JPH3: variants seen among roughly 807,000 people sequenced by gnomAD.
JPH3 encodes junctophilin 3.
In JPH3, 11 loss-of-function variants were observed where a neutral mutation model predicts 59.6. The observed-to-expected ratio is 0.18, with a 90% CI of 0.12 to 0.31. The LOEUF is 0.31. Among genes scored for constraint, JPH3 ranks in the 10% least tolerant of loss-of-function variants. The pLI is 1.00. For missense variants in JPH3, 1,202 were observed against 1,105.7 expected, an observed-to-expected ratio of 1.09 and a Z score of -1.24; for synonymous variants, 673 against 483.6, an observed-to-expected ratio of 1.39 and a Z score of -5.14.
In JPH3 at chr16:87,611,193, C is replaced by T. The variant is rs2030719104; in HGVS notation, c.382+7665C>T. Among the ~76,000 whole-genome samples the T allele has an allele frequency of 1.3e-5, 2 of 152,320 alleles. No individual in the cohort carries two copies. The highest frequency in any genetic ancestry group is 4.8e-5 in the African/African-American group (2 of 41,570). On this transcript the variant is annotated intron_variant, in intron 1 of 4. Transcript: ENST00000284262. This position sits in a 1 kb window ranked among gnomAD's most constrained non-coding sequence, Gnocchi z 4.5. ...TACCAGGAAGAATAAGGAGTCTGAACAGGGATGCAAAACCGAGATATATGG... is the reference window on the plus strand; with the variant it reads ...TACCAGGAAGAATAAGGAGTCTGAATAGGGATGCAAAACCGAGATATATGG...
intron 2 of JPH3, among the ~76,000 whole-genome samples, chr16:87,651,044 C>T (rs1487780085): frequency 1.3e-5 from 2 of 152,192 alleles, no homozygotes; most frequent in African/African-American, 4.8e-5. Flanking sequence ...GGGGCCAGCA[C>T]AGCTGGAAAT....
intron 4 of JPH3, chr16:87,693,728 G>A (rs1421314311): frequency 1.3e-5 from 2 of 152,368 alleles, no homozygotes; most frequent in African/African-American, 4.8e-5. Context: ...AATCCCCAGT[G>A]TGAGGTGAGG....
chr16:87,639,151 C>G (rs1207877139), intron 1 of JPH3, among the ~76,000 whole-genome samples: 1 of 152,178 alleles, frequency 6.6e-6, no homozygotes, highest in African/African-American at 2.4e-5. Flanking sequence ...TACCATCAAT[C>G]GAGCATTAGC....
chr16:87,606,429 C>T (rs371964740), intron 1 of JPH3, among the ~76,000 whole-genome samples: 1 of 152,182 alleles, frequency 6.6e-6, no homozygotes, highest in African/African-American at 2.4e-5. Context: ...TGTGTCCTCC[C>T]CTTAGGGTAC....
At chr16:87,678,660 A>C (rs180922175) in intron 2 of JPH3, among the ~76,000 whole-genome samples, 105 of 152,252 alleles carry the variant, frequency 6.9e-4, no homozygotes, top group African/African-American at 2.3e-3. Context: ...CTCACTTCCA[A>C]CTTCTTGGAA....
At chr16:87,626,953 C>G (rs1483861453) in intron 1 of JPH3, among the ~76,000 whole-genome samples, 1 of 152,154 alleles carries the variant, frequency 6.6e-6, no homozygotes, top group African/African-American at 2.4e-5. Flanking sequence ...CCAGCCTGGA[C>G]AACATAGTGA....
intron 1 of JPH3, among the ~76,000 whole-genome samples, chr16:87,616,190 T>TGTGTGTGTG (rs2030950727): frequency 1.7e-5 from 2 of 116,048 alleles, no homozygotes; most frequent in East Asian, 2.7e-4. Context: ...CAATCTGGTT[T>TGTGTGTGTG]TGTGTGTGTG....
chr16:87,639,862 G>A (rs1171548510), intron 1 of JPH3, among the ~76,000 whole-genome samples: 4 of 152,242 alleles, frequency 2.6e-5, no homozygotes, highest in Admixed American at 2.6e-4. Flanking sequence ...TTAAGGCTGA[G>A]GAATATTCCA....
chr16:87,665,341 G>A (rs1305641066), intron 2 of JPH3, among the ~76,000 whole-genome samples: 1 of 152,028 alleles, frequency 6.6e-6, no homozygotes, highest in Non-Finnish European at 1.5e-5. Flanking sequence ...GCAGGGTCTT[G>A]GGGTAGGGTC....
intron 2 of JPH3, among the ~76,000 whole-genome samples, chr16:87,659,844 A>T (rs1475967607): frequency 6.6e-6 from 1 of 152,162 alleles, no homozygotes; most frequent in Non-Finnish European, 1.5e-5. Context: ...ACCTTGCAGA[A>T]ATGACACCCT....
chr16:87,680,194 C>T (rs1375979715), intron 2 of JPH3, among the ~76,000 whole-genome samples: 1 of 152,244 alleles, frequency 6.6e-6, no homozygotes, highest in Non-Finnish European at 1.5e-5. Context: ...CTTCCTCTGG[C>T]GGAGGGAGGC....
chr16:87,680,674 GC>G (rs1444589381), intron 2 of JPH3, among the ~76,000 whole-genome samples: 2 of 152,176 alleles, frequency 1.3e-5, no homozygotes, highest in Non-Finnish European at 2.9e-5. Flanking sequence ...ACAGGTGGGA[GC>G]CATAGGCGTC....
At chr16:87,645,078 A>G (rs1164201154) in intron 2 of JPH3, 43 bp downstream of exon 2, 5 of 1,562,242 alleles carry the variant, frequency 3.2e-6, no homozygotes, top group Admixed American at 1.7e-5. Context: ...GGTGCCCAGA[A>G]GGTGTTTGTG....
At chr16:87,674,018 G>C (rs1253378279) in intron 2 of JPH3, among the ~76,000 whole-genome samples, 1 of 148,530 alleles carries the variant, frequency 6.7e-6, no homozygotes, top group Admixed American at 6.9e-5. Context: ...CAATCTCCAA[G>C]ATACAGTGTT....
rs2030281148 is a variant in JPH3 at position 87,602,679 on chromosome 16, C to A, written c.-468C>A. 7.2e-6 allele frequency among the ~76,000 whole-genome samples: 1 copy of A among 139,248 alleles called. No individual in the cohort carries two copies. Among genetic ancestry groups the A allele is most frequent in the East Asian group, 2.2e-4 (1 of 4,504 alleles). 91.4% of individuals were successfully genotyped at this position (139,248 alleles called of 152,430 possible). A position where few individuals can be genotyped will look rare whatever the true frequency, so the allele number is the denominator to read the frequency against. On this transcript the variant is annotated 5_prime_UTR_variant, in exon 1 of 5. Transcript: ENST00000284262. ...CCGTGCCGCCGCCGCCGCCCGCGGG[C>A]CCCGCCGCCGCCCTCGGGCGCCCGC...
rs1214137692 is a variant in JPH3 at position 87,611,299 on chromosome 16, A to G, written c.382+7771A>G. Among the ~76,000 whole-genome samples the G allele has an allele frequency of 6.6e-6, 1 of 152,148 alleles. No individual in the cohort carries two copies. Among genetic ancestry groups the G allele is most frequent in the Non-Finnish European group, 1.5e-5 (1 of 68,008 alleles). ...GCAGGGACCTGAGGAGGGGCAGGGC[A>G]GGTGTGTGTGTCCCTGAAGGAGCGG... On this transcript the variant is annotated intron_variant, in intron 1 of 4. Transcript: ENST00000284262. This position sits in a 1 kb window ranked among gnomAD's most constrained non-coding sequence, Gnocchi z 4.5.
At chr16:87,637,014 C>G (rs971219649) in intron 1 of JPH3, among the ~76,000 whole-genome samples, 2 of 152,222 alleles carry the variant, frequency 1.3e-5, no homozygotes, top group African/African-American at 4.8e-5. Context: ...CAGGCCTCCA[C>G]AAGGCCCTGT....
At chr16:87,632,923 G>C (rs565945359) in intron 1 of JPH3, among the ~76,000 whole-genome samples, 106 of 152,214 alleles carry the variant, frequency 7.0e-4, no homozygotes, top group Admixed American at 9.2e-4. Flanking sequence ...GGTAGAGACA[G>C]GGTCTTGCTG....
At chr16:87,664,830 A>T (rs1182314622) in intron 2 of JPH3, among the ~76,000 whole-genome samples, 1 of 152,098 alleles carries the variant, frequency 6.6e-6, no homozygotes, top group Non-Finnish European at 1.5e-5. Context: ...CCAGGGTCCC[A>T]GCTAGCAGGT....
Sources: allele counts gnomAD v4.1 joint callset (sites outside exome capture counted in the v4.1 genomes callset), GRCh38; gene constraint gnomAD v4.1.1; non-coding constraint Gnocchi (gnomAD v3.1); transcripts MANE v1.5; gene names NCBI Gene and HGNC (gene_info 2026-07-23, HGNC 2026-07-21).